Variants in SLF1 observed in about 807,000 individuals in gnomAD.
SLF1 encodes the protein SMC5-SMC6 complex localization factor protein 1.
A neutral mutation model predicts 123.0 loss-of-function variants in SLF1; 105 were observed. The ratio of observed to expected loss-of-function variants is 0.85; its 90% CI spans 0.73 to 1.00. The LOEUF is 1.00. Among genes scored for constraint, SLF1 ranks in the 50% least tolerant of loss-of-function variants. The probability of loss-of-function intolerance (pLI) is 0.00; values close to 1 mark genes in which losing one functional copy is unlikely to be tolerated. For synonymous variants in SLF1, 434 were observed against 406.6 expected (o/e 1.07, Z -0.81); for missense variants, 1,239 against 1,223.0 (o/e 1.01, Z -0.20).
At chr5:94,682,352 C>A (rs556471058) in intron 15 of SLF1, among the ~76,000 whole-genome samples, 9 of 151,636 alleles carry the variant, frequency 5.9e-5, no homozygotes, top group African/African-American at 1.7e-4. Context: ...CTTTTCTCTG[C>A]GGATATTCCT....
intron 4 of SLF1, among the ~76,000 whole-genome samples, chr5:94,632,281 G>C (rs74806323): frequency 0.038 from 5,735 of 152,162 alleles, 229 homozygotes; most frequent in East Asian, 0.2. Context: ...ACACTACACT[G>C]TTTTGGTTAC....
intron 9 of SLF1, among the ~76,000 whole-genome samples, chr5:94,661,270 G>A (rs1211488608): frequency 6.6e-6 from 1 of 152,176 alleles, no homozygotes; most frequent in East Asian, 1.9e-4. Context: ...ATGTGGATCT[G>A]TGTAGATGTC....
At position 94,687,423 on chromosome 5, in the gene SLF1, A is replaced by G. The variant is rs568397773; in HGVS notation, c.2121+705A>G. 1.1e-3 allele frequency among the ~76,000 whole-genome samples: 161 copies of G among 152,350 alleles called. 2 individuals are homozygous for G. The highest frequency in any genetic ancestry group is 2.0e-3 in the Admixed American group (31 of 15,310). ...CCAAATAGAAATTTTAAGGCCGAGC[A>G]TGATGGCCCCTGCCTATAATTCTAA... is the stretch of plus-strand genomic sequence containing the variant. On this transcript the variant is annotated intron_variant, in intron 16 of 20. Coordinates refer to ENST00000265140, the MANE Select transcript of SLF1 (RefSeq NM_032290.4).
chr5:94,640,759 G>A lies in SLF1; in HGVS notation c.432-2514G>A, dbSNP rs564958365. Among the ~76,000 whole-genome samples, 5 of 152,200 alleles carry A rather than the reference G, an allele frequency of 3.3e-5. No individual in the cohort carries two copies. The South Asian group carries it at 1.0e-3, about 32-fold the overall frequency. On this transcript the variant is annotated intron_variant, in intron 4 of 20. Coordinates refer to ENST00000265140, the MANE Select transcript of SLF1 (RefSeq NM_032290.4). The stretch of plus-strand genomic sequence containing the variant: ...TCAGTTGTGTTCAGTCTGCAGATGA[G>A]CTTGTCGAAGAAATTCTTTGATATA...
chr5:94,647,309 C>T (rs961968928), intron 5 of SLF1, among the ~76,000 whole-genome samples: 11 of 152,202 alleles, frequency 7.2e-5, no homozygotes, highest in African/African-American at 2.4e-4. Context: ...GACTGCCTTT[C>T]TTGATTTATA....
At chr5:94,620,689 A>T (rs1472742810) in intron 1 of SLF1, among the ~76,000 whole-genome samples, 4 of 152,174 alleles carry the variant, frequency 2.6e-5, no homozygotes, top group African/African-American at 9.6e-5. Flanking sequence ...TGTAACTAAA[A>T]TGAGACATCA....
chr5:94,630,585 A>T lies in SLF1; in HGVS notation c.273A>T (p.Gly91=), dbSNP rs772112004. ...RWLDETTYEW[G]YKIEKDSRYS... ...TTGATGAAACAACTTATGAATGGGG[A>T]TATAAAATTGAAAAAGATTCCCGTT... is the stretch of plus-strand genomic sequence containing the variant. Residue 91 remains glycine, a synonymous_variant, in exon 4 of 21, where the codon GGA becomes GGT. Coordinates refer to ENST00000265140, the MANE Select transcript of SLF1 (RefSeq NM_032290.4). 1.0e-5 allele frequency: 16 copies of T among 1,551,554 alleles called. No homozygotes were observed. Among genetic ancestry groups the T allele is most frequent in the Non-Finnish European group, 1.4e-5 (16 of 1,146,986 alleles).
At chr5:94,628,294 A>G (rs28645132) in intron 1 of SLF1, among the ~76,000 whole-genome samples, 38,685 of 151,294 alleles carry the variant, frequency 0.26, 5,283 homozygotes, top group Non-Finnish European at 0.29. Context: ...ACCTGCCACC[A>G]CACCTGGCTA....
chr5:94,630,688 A>G lies in SLF1; in HGVS notation c.376A>G (p.Arg126Gly). ...CACTGGTGCTCCAGGAGCCTTCCAC[A>G]GATGGAAAGTTGTCCTCCTTGTTAG... ...KRTGAPGAFH[R>G]WKVVLLVRTD... Residue 126 changes from arginine to glycine, a missense_variant, in exon 4 of 21, where the codon AGA becomes GGA. Transcript: ENST00000265140. 6.4e-7 allele frequency: 1 copy of G among 1,551,732 alleles called. No individual in the cohort carries two copies. Among genetic ancestry groups the G allele is most frequent in the South Asian group, 1.2e-5 (1 of 84,064 alleles).
chr5:94,622,277 T>A (rs1014329735), intron 1 of SLF1, among the ~76,000 whole-genome samples: 1 of 152,220 alleles, frequency 6.6e-6, no homozygotes, highest in Non-Finnish European at 1.5e-5. Context: ...CTTGACTGCA[T>A]TCAGTGCTTG....
intron 12 of SLF1, among the ~76,000 whole-genome samples, chr5:94,668,559 C>T (rs1750082870): frequency 6.6e-6 from 1 of 152,072 alleles, no homozygotes; most frequent in Admixed American, 6.5e-5. Flanking sequence ...TGGTCTCAAA[C>T]TCCTGACCTT....
chr5:94,655,188 A>G (rs934744407), intron 9 of SLF1, among the ~76,000 whole-genome samples: 9 of 152,164 alleles, frequency 5.9e-5, no homozygotes, highest in African/African-American at 1.9e-4. Flanking sequence ...TTTATTGAAG[A>G]CTGTCCTTTC....
intron 1 of SLF1, among the ~76,000 whole-genome samples, chr5:94,625,030 CA>C (rs747154245): frequency 6.6e-6 from 1 of 150,578 alleles, no homozygotes. Context: ...ACTAAAAAGA[CA>C]AAAAATAAAA....
At chr5:94,624,460 C>T (rs936710015) in intron 1 of SLF1, among the ~76,000 whole-genome samples, 3 of 152,118 alleles carry the variant, frequency 2.0e-5, no homozygotes, top group African/African-American at 4.8e-5. Context: ...AACTGCTTTA[C>T]ACACTAACTC....
In SLF1 at chr5:94,689,513, T is replaced by C. The variant is rs1752838378; in HGVS notation, c.2326T>C (p.Leu776=). The change falls in exon 18 of 21, where the codon TTG becomes CTG. Residue 776 remains leucine (L), a synonymous_variant. Coordinates refer to ENST00000265140, the MANE Select transcript of SLF1 (RefSeq NM_032290.4). ...LAKCSSSLKK[L]KKKSEGELSC... ...TAAATGTTCCTCATCATTAAAAAAATTGAAAAAGAAGTCAGAAGGAGAATT... is the reference window on the plus strand; with the variant it reads ...TAAATGTTCCTCATCATTAAAAAAACTGAAAAAGAAGTCAGAAGGAGAATT... 1 of 1,612,432 alleles carries C rather than the reference T, an allele frequency of 6.2e-7. No homozygotes were observed. Among genetic ancestry groups the C allele is most frequent in the Non-Finnish European group, 8.5e-7 (1 of 1,178,970 alleles).
Position 94,660,310 on chromosome 5 carries a change from G to A in SLF1, c.1156-1988G>A, listed in dbSNP as rs571555789. Among the ~76,000 whole-genome samples the A allele has an allele frequency of 2.0e-5, 3 of 152,304 alleles. No homozygotes were observed. The East Asian group carries it at 5.8e-4, about 29-fold the overall frequency. On this transcript the variant is annotated intron_variant, in intron 9 of 20. Coordinates refer to ENST00000265140, the MANE Select transcript of SLF1 (RefSeq NM_032290.4). ...GGCGTGGCTGCCAGCTGTGGTAAAT[G>A]AGGCAGGTCTGTTCACAGGCCTCAT...
intron 6 of SLF1, 106 bp downstream of exon 6, chr5:94,649,703 G>A: frequency 9.3e-7 from 1 of 1,072,292 alleles, no homozygotes; most frequent in Non-Finnish European, 1.3e-6. Flanking sequence ...GAAGGCTGGT[G>A]TTTGAACCAT....
intron 15 of SLF1, among the ~76,000 whole-genome samples, chr5:94,684,991 C>A (rs1054294955): frequency 6.6e-6 from 1 of 152,184 alleles, no homozygotes; most frequent in Admixed American, 6.5e-5. Flanking sequence ...GGGCCTTTGC[C>A]CACTAGATGC....
intron 18 of SLF1, among the ~76,000 whole-genome samples, chr5:94,690,822 G>A (rs114150514): frequency 0.012 from 1,782 of 151,872 alleles, 41 homozygotes; most frequent in African/African-American, 0.042. Flanking sequence ...TTAGCCAGAA[G>A]GCATTAATTG....
Sources: gnomAD v4.1 joint callset for allele counts (sites outside exome capture counted in the v4.1 genomes callset) on GRCh38, gnomAD v4.1.1 for gene constraint, MANE v1.5 for transcripts, NCBI Gene and HGNC (gene_info 2026-07-23, HGNC 2026-07-21) for gene names.